The following PECAM1 variants were observed in gnomAD, a reference collection of about 807,000 sequenced individuals.
The protein encoded by PECAM1 is platelet endothelial cell adhesion molecule.
A neutral mutation model predicts 13.8 loss-of-function variants in PECAM1; 8 were observed. The observed-to-expected ratio is 0.58, with a 90% CI of 0.34 to 1.05. The LOEUF (loss-of-function observed/expected upper bound fraction) is 1.05, where lower values mean the gene tolerates loss of function less well. Ranked by LOEUF, PECAM1 falls within the 50% of genes least tolerant of loss-of-function variation. PECAM1 has a pLI of 0.03. For synonymous variants in PECAM1, 136 were observed against 52.6 expected, an observed-to-expected ratio of 2.58 and a Z score of -6.86; for missense variants, 304 against 141.2, an observed-to-expected ratio of 2.15 and a Z score of -5.84.
intron 14 of PECAM1, among the ~76,000 whole-genome samples, chr17:64,332,157 G>A (rs1555646868): frequency 6.6e-6 from 1 of 152,188 alleles, no homozygotes; most frequent in East Asian, 1.9e-4. Flanking sequence ...AAGTTCCTCA[G>A]GGGCCCTTTT....
At chr17:64,337,655 G>C (rs2035314202) in intron 14 of PECAM1, among the ~76,000 whole-genome samples, 1 of 135,604 alleles carries the variant, frequency 7.4e-6, no homozygotes, top group Admixed American at 7.1e-5. Flanking sequence ...TCCTACAAGA[G>C]TGGGTTCTAC....
At chr17:64,362,465 C>T (rs975009491) in intron 6 of PECAM1, among the ~76,000 whole-genome samples, 7 of 151,930 alleles carry the variant, frequency 4.6e-5, no homozygotes, top group Admixed American at 2.6e-4. Context: ...CTGGCTAACA[C>T]GGTGAAACCC....
intron 15 of PECAM1, among the ~76,000 whole-genome samples, chr17:64,328,546 G>C (rs1282085234): frequency 3.3e-5 from 5 of 152,130 alleles, no homozygotes; most frequent in Non-Finnish European, 7.4e-5. Flanking sequence ...GTCTGAGTGG[G>C]TTTTGGCTAG....
At chr17:64,379,250 G>A (rs1041394290) in intron 2 of PECAM1, among the ~76,000 whole-genome samples, 1 of 152,220 alleles carries the variant, frequency 6.6e-6, no homozygotes, top group Admixed American at 6.5e-5. Flanking sequence ...CCCCAGAACA[G>A]AATTGGCTTA....
chr17:64,377,536 G>A (rs2036386569), intron 3 of PECAM1: 1 of 181,674 alleles, frequency 5.5e-6, no homozygotes, highest in Admixed American at 6.3e-5. Context: ...GCTTGAACCT[G>A]GGAGGCAGAG....
intron 14 of PECAM1, among the ~76,000 whole-genome samples, chr17:64,331,143 G>A (rs2035101715): frequency 6.6e-6 from 1 of 151,616 alleles, no homozygotes; most frequent in African/African-American, 2.4e-5. Context: ...CTGGGCAACT[G>A]TTTCCCCTTC....
At chr17:64,361,443 G>A (rs1212579415) in intron 6 of PECAM1, among the ~76,000 whole-genome samples, 1 of 151,754 alleles carries the variant, frequency 6.6e-6, no homozygotes, top group Non-Finnish European at 1.5e-5. Flanking sequence ...ACCAGGTCCA[G>A]CCAATATATA....
Position 64,320,734 on chromosome 17 carries a change from G to GT in PECAM1, c.*3081dup, listed in dbSNP as rs1293310544. 6.6e-6 allele frequency: 1 copy of GT among 152,286 alleles called. No homozygotes were observed. Among genetic ancestry groups the GT allele is most frequent in the Non-Finnish European group, 1.5e-5 (1 of 68,092 alleles). 9.4% of individuals were successfully genotyped at this position (152,286 alleles called of 1,614,324 possible). A position where few individuals can be genotyped will look rare whatever the true frequency, so the allele number is the denominator to read the frequency against. ...TCCCACCGCCAACACCCAGCACAGC[G>GT]TCAGGAACACAGAGCATGATGAGCA... is the stretch of plus-strand genomic sequence containing the variant. On this transcript the variant is annotated 3_prime_UTR_variant, in exon 16 of 16. Coordinates refer to ENST00000563924, the MANE Select transcript of PECAM1 (RefSeq NM_000442.5).
At chr17:64,386,403 CAAAAAAA>C (rs59994359) in intron 2 of PECAM1, among the ~76,000 whole-genome samples, 6 of 113,120 alleles carry the variant, frequency 5.3e-5, no homozygotes, top group East Asian at 2.5e-4. Context: ...GAGACTCTGT[CAAAAAAA>C]AAAAAAAAAG....
intron 13 of PECAM1, among the ~76,000 whole-genome samples, chr17:64,345,495 C>T (rs2035540747): frequency 1.3e-5 from 2 of 151,922 alleles, no homozygotes; most frequent in African/African-American, 2.4e-5. Context: ...GGTGGATCAC[C>T]TGAGGTCAGG....
intron 5 of PECAM1, among the ~76,000 whole-genome samples, chr17:64,365,688 T>C (rs1357840367): frequency 6.6e-6 from 1 of 150,552 alleles, no homozygotes; most frequent in Non-Finnish European, 1.5e-5. Flanking sequence ...AACTATCTGA[T>C]CTTTGACAAA....
intron 5 of PECAM1, among the ~76,000 whole-genome samples, chr17:64,363,734 GTCAGGAGTTGAGAC>G (rs2036039087): frequency 6.6e-6 from 1 of 152,066 alleles, no homozygotes; most frequent in African/African-American, 2.4e-5. Flanking sequence ...ATCACCTGAG[GTCAGGAGTTGAGAC>G]CAGCCTGGGC....
chr17:64,330,949 A>T (rs2035097178), intron 14 of PECAM1, among the ~76,000 whole-genome samples: 1 of 152,244 alleles, frequency 6.6e-6, no homozygotes, highest in South Asian at 2.1e-4. Flanking sequence ...ACAACTATTG[A>T]CTTCACCAAT....
chr17:64,382,774 T>C (rs922284764), intron 2 of PECAM1, among the ~76,000 whole-genome samples: 2 of 152,090 alleles, frequency 1.3e-5, no homozygotes, highest in Non-Finnish European at 2.9e-5. Flanking sequence ...TGGTGGCTCA[T>C]GCCTGTAATC....
At chr17:64,387,720 T>C (rs942930215) in intron 2 of PECAM1, among the ~76,000 whole-genome samples, 2 of 151,830 alleles carry the variant, frequency 1.3e-5, no homozygotes, top group Non-Finnish European at 2.9e-5. Flanking sequence ...AGGCGGGAAG[T>C]TGAGGGAGTT....
chr17:64,374,450 C>T (rs1213970338), intron 4 of PECAM1, among the ~76,000 whole-genome samples: 1 of 151,948 alleles, frequency 6.6e-6, no homozygotes, highest in Admixed American at 6.6e-5. Context: ...AATCATGCCA[C>T]TGCACTCCAG....
Position 64,319,967 on chromosome 17 carries a change from C to T in PECAM1, c.*3849G>A, listed in dbSNP as rs1245443182. 2 of 152,162 alleles carry T rather than the reference C, an allele frequency of 1.3e-5. No individual in the cohort carries two copies. Among genetic ancestry groups the T allele is most frequent in the Non-Finnish European group, 2.9e-5 (2 of 68,034 alleles). The allele number at this position is 152,162 out of a possible 1,614,324, so 9.4% of individuals were successfully genotyped here. A position where few individuals can be genotyped will look rare whatever the true frequency, so the allele number is the denominator to read the frequency against. ...GGTAGCCTGACATTCCTGTGGGGGCCCTCACCTGTCCTGCTCATGTTTGCC... is the reference window on the plus strand; with the variant it reads ...GGTAGCCTGACATTCCTGTGGGGGCTCTCACCTGTCCTGCTCATGTTTGCC... On this transcript the variant is annotated 3_prime_UTR_variant, in exon 16 of 16. Coordinates refer to ENST00000563924, the MANE Select transcript of PECAM1 (RefSeq NM_000442.5).
At chr17:64,370,256 A>G (rs1324964185) in intron 4 of PECAM1, 6 of 347,900 alleles carry the variant, frequency 1.7e-5, no homozygotes, top group Non-Finnish European at 3.1e-5. Flanking sequence ...GGGTTTCTGA[A>G]GCTTCCCAAA....
intron 2 of PECAM1, 96 bp from the exon 3 acceptor site, chr17:64,378,213 C>T (rs2036405172): frequency 2.5e-6 from 1 of 406,908 alleles, no homozygotes; most frequent in Admixed American, 4.4e-5. Context: ...CTTATCCCAT[C>T]CTATGCAGTA....
Sources: gnomAD v4.1 joint callset for allele counts (sites outside exome capture counted in the v4.1 genomes callset) on GRCh38, gnomAD v4.1.1 for gene constraint, MANE v1.5 for transcripts, NCBI Gene and HGNC (gene_info 2026-07-23, HGNC 2026-07-21) for gene names.